Variants in PLA2G5 observed in about 807,000 individuals in gnomAD.
PLA2G5 encodes the protein Ca2+-dependent phospholipase A2.
In PLA2G5, 12 loss-of-function variants were observed where a neutral mutation model predicts 15.9. The observed-to-expected ratio is 0.76, with a 90% CI of 0.48 to 1.23. The LOEUF is 1.23. Among genes scored for constraint, PLA2G5 ranks in the 50% most tolerant of loss-of-function variants. PLA2G5 has a pLI of 0.00. For missense variants in PLA2G5, 169 were observed against 177.1 expected (o/e 0.95, Z 0.26); for synonymous variants, 71 against 71.4 (o/e 0.99, Z 0.03).
At chr1:20,079,572 G>A (rs1312287607) in intron 1 of PLA2G5, among the ~76,000 whole-genome samples, 4 of 152,162 alleles carry the variant, frequency 2.6e-5, no homozygotes, top group African/African-American at 9.7e-5. Flanking sequence ...GTGCAGTGGT[G>A]CAATCACAGT....
At chr1:20,031,881 G>T (rs1368435219) in intron 1 of PLA2G5, among the ~76,000 whole-genome samples, 7 of 152,150 alleles carry the variant, frequency 4.6e-5, no homozygotes, top group African/African-American at 1.7e-4. Flanking sequence ...GTGTTTTGAT[G>T]ATGGACCTTT....
chr1:20,087,329 A>C (rs1296604150), intron 3 of PLA2G5, among the ~76,000 whole-genome samples: 2 of 152,212 alleles, frequency 1.3e-5, no homozygotes, highest in African/African-American at 4.8e-5. Context: ...TGTGAATACC[A>C]AAATCTGCAG....
intron 1 of PLA2G5, among the ~76,000 whole-genome samples, chr1:20,075,138 T>C (rs1322322395): frequency 6.6e-6 from 1 of 152,226 alleles, no homozygotes; most frequent in Non-Finnish European, 1.5e-5. Flanking sequence ...CACCCTGTCC[T>C]TGTGCAGTTC....
chr1:20,062,176 A>C (rs939664222), intron 2 of PLA2G5, among the ~76,000 whole-genome samples: 2 of 152,206 alleles, frequency 1.3e-5, no homozygotes, highest in Admixed American at 6.5e-5. Flanking sequence ...GAGGCCATTA[A>C]ACCTCTTTTC....
At chr1:20,049,061 G>A (rs1035463924) in intron 1 of PLA2G5, among the ~76,000 whole-genome samples, 1 of 152,136 alleles carries the variant, frequency 6.6e-6, no homozygotes, top group Non-Finnish European at 1.5e-5. Flanking sequence ...AAGGAAATAA[G>A]AGAGGTTTAA....
chr1:20,044,846 T>A (rs934973834), intron 1 of PLA2G5, among the ~76,000 whole-genome samples: 1 of 150,998 alleles, frequency 6.6e-6, no homozygotes, highest in Non-Finnish European at 1.5e-5. Flanking sequence ...GTCAGATGGG[T>A]CGGTAGAAAA....
chr1:20,061,725 C>G (rs2014746143), intron 2 of PLA2G5, among the ~76,000 whole-genome samples: 1 of 152,204 alleles, frequency 6.6e-6, no homozygotes, highest in South Asian at 2.1e-4. Context: ...GGGTAACCCA[C>G]CTCCTATCCT....
intron 1 of PLA2G5, among the ~76,000 whole-genome samples, chr1:20,045,362 C>T (rs1429999871): frequency 1.3e-5 from 2 of 152,088 alleles, no homozygotes; most frequent in African/African-American, 4.8e-5. Flanking sequence ...GCAAGCATCC[C>T]TGCGGTGATC....
upstream of PLA2G5, among the ~76,000 whole-genome samples, chr1:20,067,805 C>T (rs976698020): frequency 6.6e-6 from 1 of 151,752 alleles, no homozygotes; most frequent in East Asian, 2.0e-4. Context: ...TGGAAACTTA[C>T]GTGATAAAGA....
chr1:20,048,837 A>G (rs940698393), intron 1 of PLA2G5, among the ~76,000 whole-genome samples: 4 of 152,170 alleles, frequency 2.6e-5, no homozygotes, highest in Non-Finnish European at 5.9e-5. Flanking sequence ...AGTGTAATGG[A>G]CTGAATACTT....
At chr1:20,064,363 C>G (rs1447885742) in intron 2 of PLA2G5, among the ~76,000 whole-genome samples, 1 of 152,062 alleles carries the variant, frequency 6.6e-6, no homozygotes, top group Non-Finnish European at 1.5e-5. Context: ...GATTTGAGGT[C>G]AGGAGTTCAA....
chr1:20,028,925 CT>C (rs1319081552), intron 1 of PLA2G5, among the ~76,000 whole-genome samples: 1 of 152,204 alleles, frequency 6.6e-6, no homozygotes, highest in Non-Finnish European at 1.5e-5. Context: ...GATGGGCAGG[CT>C]GTGGGGCTCT....
intron 1 of PLA2G5, among the ~76,000 whole-genome samples, chr1:20,077,491 A>G (rs11573224): frequency 0.013 from 2,008 of 152,192 alleles, 47 homozygotes; most frequent in African/African-American, 0.044. Context: ...AGCACCTACT[A>G]TGTGCCAAGT....
At chr1:20,038,142 T>C (rs1448091800) in intron 1 of PLA2G5, among the ~76,000 whole-genome samples, 1 of 152,014 alleles carries the variant, frequency 6.6e-6, no homozygotes, top group Admixed American at 6.6e-5. Context: ...AGCTGGTGAG[T>C]AGGGCTGAGA....
intron 1 of PLA2G5, among the ~76,000 whole-genome samples, chr1:20,073,625 G>C (rs1266896494): frequency 6.6e-6 from 1 of 152,198 alleles, no homozygotes; most frequent in East Asian, 1.9e-4. Flanking sequence ...GCTGACACCT[G>C]TGACCCCAGC....
At chr1:20,060,635 G>C (rs775676782) in intron 2 of PLA2G5, among the ~76,000 whole-genome samples, 1 of 151,958 alleles carries the variant, frequency 6.6e-6, no homozygotes, top group Non-Finnish European at 1.5e-5. Flanking sequence ...TTTAGCAGGT[G>C]GTTTTAAGAC....
In PLA2G5 at chr1:20,055,312, GCCAACAGGTAAATTTGC is replaced by G; in HGVS notation, n.277-4315_277-4299del. On this transcript the variant is annotated intron_variant and non_coding_transcript_variant, in intron 1 of 6. Coordinates refer to the PLA2G5 transcript ENST00000460175. ...CCCGTATGGTTCTAGATTAGAGTGG[GCCAACAGGTAAATTTGC>G]CCAAGATTTTTAGGGGCGGAAATAA... Among the ~76,000 whole-genome samples the G allele has an allele frequency of 2.6e-5, 4 of 152,304 alleles. No homozygotes were observed. In the South Asian group the frequency reaches 8.3e-4, roughly 32 times the overall value.
rs972574701 is a variant in PLA2G5 at position 20,070,299 on chromosome 1, A to C, written c.-177A>C. ...TCGGTCACTCCCATTCACAGCTTTAAGATTCTGGAGGCCAAGAATTTGACT... is the reference window on the plus strand; with the variant it reads ...TCGGTCACTCCCATTCACAGCTTTACGATTCTGGAGGCCAAGAATTTGACT... On this transcript the variant is annotated 5_prime_UTR_variant, in exon 1 of 5. Transcript: ENST00000375108. The C allele has an allele frequency of 4.9e-5, 48 of 985,348 alleles. No homozygotes were observed. Among genetic ancestry groups the C allele is most frequent in the Non-Finnish European group, 5.8e-5 (48 of 829,968 alleles). 61.0% of individuals were successfully genotyped at this position (985,348 alleles called of 1,614,324 possible).
At position 20,070,321 on chromosome 1, in the gene PLA2G5, G is replaced by T; in HGVS notation, c.-155G>T. 1 of 985,478 alleles carries T rather than the reference G, an allele frequency of 1.0e-6. No individual in the cohort carries two copies. Among genetic ancestry groups the T allele is most frequent in the South Asian group, 4.7e-5 (1 of 21,284 alleles). 61.0% of individuals were successfully genotyped at this position (985,478 alleles called of 1,614,324 possible). A position where few individuals can be genotyped will look rare whatever the true frequency, so the allele number is the denominator to read the frequency against. On this transcript the variant is annotated 5_prime_UTR_variant, in exon 1 of 5. Transcript: ENST00000375108. ...TTAAGATTCTGGAGGCCAAGAATTT[G>T]ACTCCCCCCGGATCCATGGTCTGTG...
Sources: allele counts gnomAD v4.1 joint callset (sites outside exome capture counted in the v4.1 genomes callset), GRCh38; gene constraint gnomAD v4.1.1; transcripts MANE v1.5; gene names NCBI Gene and HGNC (gene_info 2026-07-23, HGNC 2026-07-21).